The following COQ2 variants were observed in gnomAD, a reference collection of about 807,000 sequenced individuals.
The protein encoded by COQ2 is coenzyme Q2, polyprenyltransferase.
In COQ2, 25 loss-of-function variants were observed where a neutral mutation model predicts 35.7. The ratio of observed to expected loss-of-function variants is 0.70; its 90% confidence interval spans 0.51 to 0.98. The LOEUF (loss-of-function observed/expected upper bound fraction) is 0.98. Among genes scored for constraint, COQ2 ranks in the 50% least tolerant of loss-of-function variants. The pLI is 0.00. For synonymous variants in COQ2, 206 were observed against 186.2 expected, an observed-to-expected ratio of 1.11 and a Z score of -0.86; for missense variants, 488 against 473.5, an observed-to-expected ratio of 1.03 and a Z score of -0.28.
rs942743755 is a variant in COQ2, at chr4:83,265,249, C to T, written c.952-886G>A. On this transcript the variant is annotated intron_variant, in intron 6 of 6. Coordinates refer to ENST00000647002, the MANE Select transcript of COQ2 (RefSeq NM_001358921.2). The stretch of plus-strand genomic sequence containing the variant: ...TTTCTCTTTAAATACTAAAAGGCTA[C>T]GTCCATCTTTAAACACTGTATCGAA... Among the ~76,000 whole-genome samples, 3 of 152,278 alleles carry T rather than the reference C, an allele frequency of 2.0e-5. No individual in the cohort carries two copies. The South Asian group carries it at 6.2e-4, about 32-fold the overall frequency.
rs778440756 is a variant in COQ2, at chr4:83,273,526, A to G, written c.512T>C (p.Leu171Pro). The G allele has an allele frequency of 1.9e-6, 3 of 1,613,600 alleles. No homozygotes were observed. The African/African-American group carries it at 4.0e-5, about 22-fold the overall frequency. ...VFLGGQLTLA[L>P]GVLLCLNYYS... ...GTAATTTAGACACAGAAGAACACCC[A>G]GTGCCAGGGTTAGCTGTCCCCCAAG... Residue 171 changes from leucine to proline, a missense_variant, in exon 3 of 7, where the codon CTG (leucine) becomes CCG (proline). Physicochemically the swap from Leu to Pro is moderately conservative, Grantham distance 98. Transcript: ENST00000647002.
intron 2 of COQ2, among the ~76,000 whole-genome samples, chr4:83,274,541 T>TGAA (rs35579896): frequency 0.23 from 34,555 of 152,048 alleles, 4,041 homozygotes; most frequent in Middle Eastern, 0.28. Context: ...AATTTGTTGA[T>TGAA]GTGCAAATTC....
intron 1 of COQ2, among the ~76,000 whole-genome samples, chr4:83,279,688 T>C (rs1347553556): frequency 6.6e-6 from 1 of 151,960 alleles, no homozygotes; most frequent in Non-Finnish European, 1.5e-5. Context: ...ATAATAATGG[T>C]TGCTTCTGAG....
chr4:83,273,017 CTTGT>C (rs1735085411), intron 3 of COQ2, among the ~76,000 whole-genome samples: 1 of 152,192 alleles, frequency 6.6e-6, no homozygotes, highest in Non-Finnish European at 1.5e-5. Context: ...TTCGTTTTGT[CTTGT>C]TTAAGAGATA....
Position 83,279,038 on chromosome 4 carries a change from G to A in COQ2, c.330C>T (p.Tyr110=), listed in dbSNP as rs1390745652. ...AAEPGCFPDW[Y]MLSLFGTGAI... ...CTCCAGTGCCAAAGAGGGAGAGCAT[G>A]TACCAATCTGGAAAACAACCTGGTT... The change falls in exon 2 of 7, where the codon TAC becomes TAT. Residue 110 remains tyrosine, a synonymous_variant. Transcript: ENST00000647002. 1.2e-6 allele frequency: 2 copies of A among 1,601,720 alleles called. No individual in the cohort carries two copies. The highest frequency in any genetic ancestry group is 1.7e-6 in the Non-Finnish European group (2 of 1,173,852).
chr4:83,284,656 C>G lies in COQ2; in HGVS notation c.109G>C (p.Ala37Pro). ...GGCTGCAAGTCACCACCGTGGGGCG[C>G]GCCTGCCGCACGCGCCAGGGCGAAG... ...RSFALARAAG[A>P]PHGGDLQPPA... The change falls in exon 1 of 7, where the codon GCG becomes CCG. Residue 37 changes from alanine (A) to proline (P), a missense_variant. Physicochemically the swap from Ala to Pro is conservative, Grantham distance 27. Transcript: ENST00000647002. 1 of 1,452,104 alleles carries G rather than the reference C, an allele frequency of 6.9e-7. No homozygotes were observed. Among genetic ancestry groups the G allele is most frequent in the Non-Finnish European group, 9.0e-7 (1 of 1,107,256 alleles). The allele number at this position is 1,452,104 out of a possible 1,614,324, so 90.0% of individuals were successfully genotyped here.
At chr4:83,275,489 A>G (rs1158413841) in intron 2 of COQ2, among the ~76,000 whole-genome samples, 2 of 151,016 alleles carry the variant, frequency 1.3e-5, no homozygotes, top group African/African-American at 4.9e-5. Flanking sequence ...TGGCTTCTTC[A>G]GTTCCAAGTC....
chr4:83,274,426 C>T (rs1389988909), intron 2 of COQ2, among the ~76,000 whole-genome samples: 1 of 152,128 alleles, frequency 6.6e-6, no homozygotes, highest in African/African-American at 2.4e-5. Context: ...AACTCCTGAC[C>T]TCAAGTGATC....
intron 2 of COQ2, 63 bp downstream of exon 2, chr4:83,278,885 T>C (rs1735244181): frequency 2.1e-6 from 3 of 1,417,686 alleles, no homozygotes; most frequent in Non-Finnish European, 2.8e-6. Context: ...TCAAAAGTGA[T>C]ACCACTATGT....
chr4:83,272,885 G>T (rs6841864), intron 3 of COQ2, among the ~76,000 whole-genome samples: 105,197 of 152,028 alleles, frequency 0.69, 36,609 homozygotes, highest in East Asian at 0.85. Flanking sequence ...CAAAGGTATT[G>T]TCATGTAATT....
intron 2 of COQ2, among the ~76,000 whole-genome samples, chr4:83,277,662 G>A (rs1386166244): frequency 6.6e-6 from 1 of 152,156 alleles, no homozygotes; most frequent in Admixed American, 6.5e-5. Context: ...CTGAATAAAT[G>A]TTTTTGAATT....
At chr4:83,264,619 G>A (rs1187140100) in intron 6 of COQ2, among the ~76,000 whole-genome samples, 2 of 151,966 alleles carry the variant, frequency 1.3e-5, no homozygotes, top group Non-Finnish European at 2.9e-5. Flanking sequence ...TAGCCTGGGT[G>A]AGAGAGTGAG....
At chr4:83,284,431 G>A in intron 1 of COQ2, 81 bp downstream of exon 1, 2 of 1,472,954 alleles carry the variant, frequency 1.4e-6, no homozygotes, top group African/African-American at 1.5e-5. Flanking sequence ...CGCCCCGGCC[G>A]GCCGCCGCGG....
chr4:83,272,078 T>A lies in COQ2; in HGVS notation c.628+9A>T. The A allele has an allele frequency of 6.4e-7, 1 of 1,572,938 alleles. No homozygotes were observed. ...TCAAAGGAAATACTTTTAGTTATTG[T>A]AAGCTCACCCAAGGCTAGTTGAGGC... On this transcript the variant is annotated intron_variant, in intron 4 of 6. Transcript: ENST00000647002.
At chr4:83,284,834 A>C (rs769189651), upstream of COQ2, 27 of 1,559,104 alleles carry the variant, frequency 1.7e-5, 2 homozygotes, top group South Asian at 3.2e-4. Flanking sequence ...TGGCACCCGC[A>C]GGATGCAATC....
At chr4:83,283,772 G>T (rs1009705894) in intron 1 of COQ2, 1 of 985,284 alleles carries the variant, frequency 1.0e-6, no homozygotes, top group African/African-American at 1.7e-5. Context: ...ATCAACAAGC[G>T]CATAAGGTTA....
In COQ2 at chr4:83,284,551, G is replaced by T; in HGVS notation, c.214C>A (p.Gln72Lys). Residue 72 changes from glutamine (Q) to lysine (K), a missense_variant, in exon 1 of 7, where the codon CAG (glutamine) becomes AAG (lysine). Gln to Lys is a moderately conservative substitution (Grantham distance 53). Coordinates refer to ENST00000647002, the MANE Select transcript of COQ2 (RefSeq NM_001358921.2). ...AACCGCATGAGGCGCAAGTACGGCT[G>T]CAGGGGGCGGGGCGCAGAGTCCACC... ...AVVDSAPRPL[Q>K]PYLRLMRLDK... 1 of 1,571,570 alleles carries T rather than the reference G, an allele frequency of 6.4e-7. No homozygotes were observed. The highest frequency in any genetic ancestry group is 1.4e-5 in the African/African-American group (1 of 72,984).
intron 2 of COQ2, among the ~76,000 whole-genome samples, chr4:83,276,416 A>G (rs1735185048): frequency 6.6e-6 from 1 of 152,102 alleles, no homozygotes; most frequent in Non-Finnish European, 1.5e-5. Context: ...TGATTTGTCT[A>G]TTTTTGTTTC....
upstream of COQ2, chr4:83,284,838 T>C: frequency 5.8e-6 from 9 of 1,556,976 alleles, no homozygotes; most frequent in Non-Finnish European, 7.8e-6. Context: ...ACCCGCAGGA[T>C]GCAATCCTAG....
Sources: allele counts gnomAD v4.1 joint callset (sites outside exome capture counted in the v4.1 genomes callset), GRCh38; gene constraint gnomAD v4.1.1; transcripts MANE v1.5; gene names NCBI Gene and HGNC (gene_info 2026-07-23, HGNC 2026-07-21).